Variants in BPTF observed in about 807,000 individuals in gnomAD.
The protein encoded by BPTF is nucleosome-remodeling factor subunit BPTF.
A neutral mutation model predicts 292.5 loss-of-function variants in BPTF; 18 were observed. That is an observed-to-expected ratio of 0.06 (90% CI 0.04 to 0.09). The LOEUF is 0.09. Among genes scored for constraint, BPTF ranks in the 10% least tolerant of loss-of-function variants. The probability of loss-of-function intolerance (pLI) is 1.00; values close to 1 mark genes in which losing one functional copy is unlikely to be tolerated. For missense variants in BPTF, 2,726 were observed against 3,498.7 expected (o/e 0.78, Z 5.57); for synonymous variants, 1,225 against 1,251.9 (o/e 0.98, Z 0.45).
intron 10 of BPTF, among the ~76,000 whole-genome samples, chr17:67,909,999 C>T (rs563277052): frequency 6.6e-6 from 1 of 152,168 alleles, no homozygotes; most frequent in South Asian, 2.1e-4. Flanking sequence ...GAAAAGAAGC[C>T]TCATTCATAC....
intron 8 of BPTF, among the ~76,000 whole-genome samples, 170 bp from the exon 9 acceptor site, chr17:67,904,532 T>C (rs1381329871): frequency 6.6e-6 from 1 of 152,222 alleles, no homozygotes; most frequent in Non-Finnish European, 1.5e-5. Context: ...CAGTGAAAAC[T>C]AAATTGATTA....
At chr17:67,841,528 C>G (rs2057558299) in intron 1 of BPTF, among the ~76,000 whole-genome samples, 1 of 150,320 alleles carries the variant, frequency 6.7e-6, no homozygotes, top group Non-Finnish European at 1.5e-5. Context: ...CTTTTTCTAC[C>G]CTTTTGCTTT....
chr17:67,952,830 TC>T (rs1326563040), intron 23 of BPTF, among the ~76,000 whole-genome samples: 1 of 152,208 alleles, frequency 6.6e-6, no homozygotes, highest in Non-Finnish European at 1.5e-5. Flanking sequence ...GCCCTAACAA[TC>T]CCGTGTGCCA....
At chr17:67,982,010 TATATATATATATA>T (rs563537314) in intron 27 of BPTF, 3,449 of 154,596 alleles carry the variant, frequency 0.022, 149 homozygotes, top group African/African-American at 0.08. Context: ...TATATATATA[TATATATATATATA>T]TTTAAATATT....
intron 23 of BPTF, among the ~76,000 whole-genome samples, chr17:67,954,372 A>G (rs1422461778): frequency 6.6e-6 from 1 of 151,746 alleles, no homozygotes; most frequent in East Asian, 1.9e-4. Flanking sequence ...TTCCTTTTCA[A>G]ACATTTAAGT....
intron 1 of BPTF, among the ~76,000 whole-genome samples, chr17:67,841,001 A>G (rs901126105): frequency 6.6e-5 from 10 of 152,204 alleles, no homozygotes; most frequent in Non-Finnish European, 1.3e-4. Context: ...TTCCCAGAGC[A>G]TAAGTTTTAA....
chr17:67,914,990 C>T lies in BPTF; in HGVS notation c.5303+1803C>T, dbSNP rs1023153927. On this transcript the variant is annotated intron_variant, in intron 11 of 27. Coordinates refer to ENST00000306378, the MANE Select transcript of BPTF (RefSeq NM_182641.4). ...GGCATGGGTAAATATGTAAATTGAT[C>T]ATGACTTTAGAATGCATTTTTTAAA... is the stretch of plus-strand genomic sequence containing the variant. Among the ~76,000 whole-genome samples, 6 of 152,200 alleles carry T rather than the reference C, an allele frequency of 3.9e-5. No homozygotes were observed. In the South Asian group the frequency reaches 1.2e-3, roughly 32 times the overall value.
At chr17:67,981,866 AAC>A (rs60203396) in intron 27 of BPTF, 2,044 of 133,948 alleles carry the variant, frequency 0.015, 40 homozygotes, top group African/African-American at 0.046. Context: ...AATGTAAATA[AAC>A]ACACACACAC....
At chr17:67,871,082 A>G (rs2059702639) in intron 3 of BPTF, among the ~76,000 whole-genome samples, 1 of 151,932 alleles carries the variant, frequency 6.6e-6, no homozygotes, top group Non-Finnish European at 1.5e-5. Flanking sequence ...AAAATGCTTC[A>G]TTTCTAATGT....
At chr17:67,859,834 A>G (rs1420337803) in intron 2 of BPTF, among the ~76,000 whole-genome samples, 4 of 152,236 alleles carry the variant, frequency 2.6e-5, no homozygotes, top group Non-Finnish European at 5.9e-5. Flanking sequence ...ATATATCAGT[A>G]TCAGTCTACG....
intron 1 of BPTF, among the ~76,000 whole-genome samples, chr17:67,835,900 T>G: frequency 6.6e-6 from 1 of 151,794 alleles, no homozygotes; most frequent in African/African-American, 2.4e-5. Context: ...TTCCTGACCT[T>G]GTGATCCGCC....
At chr17:67,863,092 A>G (rs1213459164) in intron 2 of BPTF, among the ~76,000 whole-genome samples, 2 of 152,122 alleles carry the variant, frequency 1.3e-5, no homozygotes, top group African/African-American at 4.8e-5. Context: ...TGGCTTGAAA[A>G]AATATGAATT....
In BPTF at chr17:67,912,709, G is replaced by A. The variant is rs765650702; in HGVS notation, c.4825G>A (p.Asp1609Asn). The A allele has an allele frequency of 1.7e-5, 27 of 1,613,898 alleles. No homozygotes were observed. The highest frequency in any genetic ancestry group is 1.6e-4 in the Middle Eastern group (1 of 6,082). Residue 1609 changes from aspartate to asparagine, a missense_variant, in exon 11 of 28, where the codon GAT becomes AAT. This residue lies in a region of BPTF where 144 missense variants were observed against 177.2 expected (regional missense o/e 0.81). Transcript: ENST00000306378. ...SKTVIKVEKGDKQTVVSSTEN... is the reference protein window; with the variant it reads ...SKTVIKVEKGNKQTVVSSTEN... ...AACTGTGATCAAGGTAGAAAAAGGC[G>A]ATAAGCAAACTGTGGTTTCTTCCAC... is the stretch of plus-strand genomic sequence containing the variant.
At chr17:67,929,723 CT>C (rs2064200190) in intron 17 of BPTF, among the ~76,000 whole-genome samples, 2 of 152,158 alleles carry the variant, frequency 1.3e-5, no homozygotes, top group Non-Finnish European at 2.9e-5. Flanking sequence ...ATAATAATTG[CT>C]TTCTAGGATT....
intron 11 of BPTF, 95 bp downstream of exon 11, chr17:67,913,282 A>G: frequency 6.9e-7 from 1 of 1,457,572 alleles, no homozygotes; most frequent in Non-Finnish European, 9.2e-7. Flanking sequence ...GATAATAGAG[A>G]TAAGACAGGA....
intron 23 of BPTF, among the ~76,000 whole-genome samples, chr17:67,958,985 TAAA>T (rs1568181515): frequency 1.3e-5 from 2 of 152,086 alleles, no homozygotes; most frequent in African/African-American, 4.8e-5. Context: ...AGTTATCTTT[TAAA>T]AAAAGAAAAT....
intron 18 of BPTF, among the ~76,000 whole-genome samples, chr17:67,940,006 G>A (rs1291530665): frequency 6.6e-6 from 1 of 152,168 alleles, no homozygotes; most frequent in East Asian, 1.9e-4. Context: ...AATGCAGTTG[G>A]CCCAGAATAT....
At chr17:67,880,732 G>A (rs73352817) in intron 4 of BPTF, among the ~76,000 whole-genome samples, 2,607 of 152,084 alleles carry the variant, frequency 0.017, 74 homozygotes, top group African/African-American at 0.06. Context: ...GAACTCCTGA[G>A]CTCAAGTGAT....
chr17:67,949,656 CACAGACATATATATATATACACACAG>C (rs1568154903), intron 23 of BPTF, among the ~76,000 whole-genome samples: 1 of 83,468 alleles, frequency 1.2e-5, no homozygotes, highest in Non-Finnish European at 2.7e-5. Flanking sequence ...TATATATACA[CACAGACATATATATATATACACACAG>C]ACATACATAT....
Sources: gnomAD v4.1 joint callset for allele counts (sites outside exome capture counted in the v4.1 genomes callset) on GRCh38, gnomAD v4.1.1 for gene constraint, gnomAD v4.1.1 regional missense constraint, MANE v1.5 for transcripts, NCBI Gene and HGNC (gene_info 2026-07-23, HGNC 2026-07-21) for gene names.